RIMS2: variants seen among roughly 807,000 people sequenced by gnomAD.
RIMS2 encodes the protein regulating synaptic membrane exocytosis protein 2.
Under a neutral mutation model 174.4 loss-of-function variants are expected in RIMS2, and 59 were observed. The observed-to-expected ratio is 0.34, with a 90% CI of 0.27 to 0.42. The LOEUF (loss-of-function observed/expected upper bound fraction) is 0.42, where lower values mean the gene tolerates loss of function less well. RIMS2 is among the 10% of genes least tolerant of loss of function. The pLI is 1.00. For missense variants in RIMS2, 1,620 were observed against 1,666.3 expected (o/e 0.97, Z 0.48); for synonymous variants, 606 against 572.5 (o/e 1.06, Z -0.84).
At chr8:104,001,721 A>T (rs552396158) in intron 17 of RIMS2, among the ~76,000 whole-genome samples, 50 of 151,920 alleles carry the variant, frequency 3.3e-4, no homozygotes, top group South Asian at 1.2e-3. Flanking sequence ...TCTTGGACTG[A>T]CCTTTTTTTG....
chr8:103,594,978 T>A (rs2094430317), intron 1 of RIMS2, among the ~76,000 whole-genome samples: 1 of 151,876 alleles, frequency 6.6e-6, no homozygotes, highest in South Asian at 2.1e-4. Context: ...AATGTTCATC[T>A]GCATTTTTTT....
At chr8:103,566,791 C>T (rs2092390958) in intron 1 of RIMS2, among the ~76,000 whole-genome samples, 1 of 152,162 alleles carries the variant, frequency 6.6e-6, no homozygotes, top group Admixed American at 6.5e-5. Context: ...CCAGTTCTTA[C>T]TCAGTTATCT....
At chr8:104,145,370 T>TA (rs1257192339) in intron 19 of RIMS2, among the ~76,000 whole-genome samples, 1 of 152,092 alleles carries the variant, frequency 6.6e-6, no homozygotes, top group East Asian at 1.9e-4. Flanking sequence ...ATTTCTCTTT[T>TA]AAAAAAATTA....
intron 19 of RIMS2, among the ~76,000 whole-genome samples, chr8:104,102,899 A>G (rs1389204009): frequency 1.3e-5 from 2 of 152,244 alleles, no homozygotes; most frequent in Non-Finnish European, 2.9e-5. Flanking sequence ...CAGCCAAACC[A>G]TATAACAAGC....
chr8:103,723,537 G>A (rs2097483635), intron 2 of RIMS2, among the ~76,000 whole-genome samples: 1 of 152,166 alleles, frequency 6.6e-6, no homozygotes, highest in African/African-American at 2.4e-5. Context: ...TATGTGTGTG[G>A]CCTGTAGTCT....
chr8:103,582,637 G>A (rs896829740), intron 1 of RIMS2, among the ~76,000 whole-genome samples: 1 of 152,192 alleles, frequency 6.6e-6, no homozygotes, highest in African/African-American at 2.4e-5. Flanking sequence ...AGGAACATCT[G>A]TGTTAGTCTG....
intron 1 of RIMS2, among the ~76,000 whole-genome samples, chr8:103,597,986 T>C (rs942129887): frequency 1.9e-4 from 29 of 152,196 alleles, no homozygotes; most frequent in Admixed American, 1.8e-3. Context: ...ATATATTATA[T>C]GTAAATGTCT....
intron 3 of RIMS2, among the ~76,000 whole-genome samples, chr8:103,780,288 C>A (rs1348603383): frequency 6.6e-6 from 1 of 152,044 alleles, no homozygotes; most frequent in Non-Finnish European, 1.5e-5. Flanking sequence ...TTATGTATTT[C>A]TCAAGTTTTG....
chr8:103,659,701 G>A (rs113986645), intron 1 of RIMS2, among the ~76,000 whole-genome samples: 160 of 152,328 alleles, frequency 1.1e-3, no homozygotes, highest in African/African-American at 3.7e-3. Context: ...CATCCCTGTT[G>A]GTGCTCTTCA....
chr8:103,516,614 C>G (rs944514862), intron 1 of RIMS2, among the ~76,000 whole-genome samples: 1 of 151,960 alleles, frequency 6.6e-6, no homozygotes, highest in Non-Finnish European at 1.5e-5. Context: ...AATTTATATC[C>G]TATGTGGGAC....
At chr8:103,900,938 C>T (rs901747768) in intron 4 of RIMS2, among the ~76,000 whole-genome samples, 17 of 152,028 alleles carry the variant, frequency 1.1e-4, no homozygotes, top group African/African-American at 4.1e-4. Flanking sequence ...ATAGATTGGG[C>T]ATATCTTCAT....
chr8:104,174,871 T>C (rs796716357), intron 19 of RIMS2, among the ~76,000 whole-genome samples: 10 of 152,332 alleles, frequency 6.6e-5, no homozygotes, highest in African/African-American at 2.2e-4. Context: ...TGTTTTCAGA[T>C]TCTTTCACCC....
intron 19 of RIMS2, among the ~76,000 whole-genome samples, chr8:104,050,347 C>T (rs2096765474): frequency 6.6e-6 from 1 of 152,008 alleles, no homozygotes; most frequent in African/African-American, 2.4e-5. Context: ...AAAGTAGTCC[C>T]TAAAACGTTA....
intron 1 of RIMS2, among the ~76,000 whole-genome samples, chr8:103,672,916 G>A (rs1054506151): frequency 6.6e-5 from 10 of 152,180 alleles, no homozygotes; most frequent in Admixed American, 6.5e-4. Flanking sequence ...CTGTGAGCCT[G>A]TAAAATCAAA....
chr8:103,905,358 T>C (rs2154525639), intron 4 of RIMS2, among the ~76,000 whole-genome samples: 1 of 152,210 alleles, frequency 6.6e-6, no homozygotes, highest in African/African-American at 2.4e-5. Context: ...TTTCATCATA[T>C]TTAGAATTCA....
chr8:103,626,401 A>G (rs2134970029), intron 1 of RIMS2, among the ~76,000 whole-genome samples: 1 of 152,318 alleles, frequency 6.6e-6, no homozygotes, highest in East Asian at 1.9e-4. Context: ...GCAGCAGTCA[A>G]GAAAGAAAAA....
At chr8:104,005,907 A>G (rs1447933111) in intron 17 of RIMS2, among the ~76,000 whole-genome samples, 1 of 151,998 alleles carries the variant, frequency 6.6e-6, no homozygotes, top group Non-Finnish European at 1.5e-5. Context: ...AAAACAGTCT[A>G]TGTAGAACAT....
intron 10 of RIMS2, chr8:103,922,641 A>G: frequency 2.5e-6 from 1 of 402,712 alleles, no homozygotes; most frequent in Admixed American, 2.8e-5. Flanking sequence ...ATTAAAAAAA[A>G]GTTACAGTTA....
At chr8:103,628,754 TA>T (rs200221962) in intron 1 of RIMS2, among the ~76,000 whole-genome samples, 67,682 of 114,684 alleles carry the variant, frequency 0.59, 19,167 homozygotes, top group East Asian at 0.82. Context: ...AGACCCATAT[TA>T]AAAAAAAAAA....
Sources: allele counts gnomAD v4.1 joint callset (sites outside exome capture counted in the v4.1 genomes callset), GRCh38; gene constraint gnomAD v4.1.1; transcripts MANE v1.5; gene names NCBI Gene and HGNC (gene_info 2026-07-23, HGNC 2026-07-21).